Variants in GRM8 observed in about 807,000 individuals in gnomAD.
The protein encoded by GRM8 is metabotropic glutamate receptor 8.
GRM8 carries 47 observed loss-of-function variants against 87.2 expected under a neutral mutation model. The ratio of observed to expected loss-of-function variants is 0.54; its 90% confidence interval spans 0.43 to 0.69. GRM8 has a LOEUF of 0.69. Among genes scored for constraint, GRM8 ranks in the 30% least tolerant of loss-of-function variants. The pLI is 0.00. For missense variants in GRM8, 1,019 were observed against 1,139.2 expected (o/e 0.89, Z 1.52); for synonymous variants, 396 against 404.5 (o/e 0.98, Z 0.25).
chr7:127,181,307 A>G (rs1310522800), intron 2 of GRM8, among the ~76,000 whole-genome samples: 2 of 152,084 alleles, frequency 1.3e-5, no homozygotes, highest in African/African-American at 4.8e-5. Context: ...AAAGACCTCT[A>G]CAAGGAAAAC....
rs536635816 is a variant in GRM8 at position 126,685,054 on chromosome 7, G to A, written c.1358-75556C>T. Reference sequence around the variant, plus strand: ...TGGCCATGGGACCCCTGTGCCCTGCGTCCCCAAGGAAGCTGACTGCACTGC... The same window carrying A: ...TGGCCATGGGACCCCTGTGCCCTGCATCCCCAAGGAAGCTGACTGCACTGC... On this transcript the variant is annotated intron_variant, in intron 7 of 10. Transcript: ENST00000339582. The surrounding 1 kb of genome is among the most constrained non-coding windows in gnomAD (Gnocchi z 4.2). Among the ~76,000 whole-genome samples the A allele has an allele frequency of 2.2e-4, 33 of 152,254 alleles. No homozygotes were observed. Among genetic ancestry groups the A allele is most frequent in the African/African-American group, 3.6e-4 (15 of 41,562 alleles).
chr7:127,126,190 G>A (rs1827362449), intron 2 of GRM8, among the ~76,000 whole-genome samples: 2 of 152,020 alleles, frequency 1.3e-5, no homozygotes, highest in South Asian at 4.1e-4. Context: ...GTTTATCATA[G>A]CACTATTCAT....
intron 6 of GRM8, among the ~76,000 whole-genome samples, chr7:126,890,982 C>T (rs1013201594): frequency 8.5e-5 from 13 of 152,156 alleles, no homozygotes; most frequent in Middle Eastern, 6.8e-3. Flanking sequence ...TAGCTTCAGA[C>T]TCACATAACC....
intron 7 of GRM8, among the ~76,000 whole-genome samples, chr7:126,758,966 T>C (rs1173226329): frequency 1.3e-5 from 2 of 152,028 alleles, no homozygotes; most frequent in African/African-American, 4.8e-5. Context: ...GGCGGGATCC[T>C]GGCTCACTGC....
intron 6 of GRM8, among the ~76,000 whole-genome samples, chr7:126,778,961 T>C (rs549768657): frequency 1.1e-3 from 166 of 152,264 alleles, no homozygotes; most frequent in African/African-American, 3.9e-3. Flanking sequence ...ATTTGTATAT[T>C]GGTGTGGCGT....
chr7:126,640,272 G>C (rs986199491), intron 7 of GRM8, among the ~76,000 whole-genome samples: 1 of 152,118 alleles, frequency 6.6e-6, no homozygotes, highest in East Asian at 1.9e-4. Context: ...AAGAAGGAGA[G>C]GTCAAGATAT....
At chr7:126,993,138 A>C (rs1003888068) in intron 3 of GRM8, among the ~76,000 whole-genome samples, 2 of 152,198 alleles carry the variant, frequency 1.3e-5, no homozygotes, top group Non-Finnish European at 2.9e-5. Flanking sequence ...TAAACTCAGT[A>C]TAATCAGAAA....
intron 7 of GRM8, among the ~76,000 whole-genome samples, chr7:126,731,016 G>A (rs1813525324): frequency 6.6e-6 from 1 of 152,038 alleles, no homozygotes; most frequent in Non-Finnish European, 1.5e-5. Flanking sequence ...AATTATACAT[G>A]TTTTAAGAAT....
intron 9 of GRM8, among the ~76,000 whole-genome samples, chr7:126,449,153 G>T (rs547692567): frequency 1.3e-5 from 2 of 151,840 alleles, no homozygotes; most frequent in East Asian, 3.9e-4. Context: ...TATGAATTCT[G>T]AACCACCACT....
At chr7:127,137,365 C>T (rs765235711) in intron 2 of GRM8, among the ~76,000 whole-genome samples, 2 of 152,060 alleles carry the variant, frequency 1.3e-5, no homozygotes, top group Non-Finnish European at 2.9e-5. Context: ...TTCTCACCAC[C>T]TCACTACATT....
At chr7:126,779,131 T>C (rs1356440572) in intron 6 of GRM8, among the ~76,000 whole-genome samples, 1 of 152,100 alleles carries the variant, frequency 6.6e-6, no homozygotes. Flanking sequence ...TCTTATCTAA[T>C]ATTTAATCAT....
chr7:126,521,536 G>A (rs1812985332), intron 9 of GRM8, among the ~76,000 whole-genome samples: 2 of 151,460 alleles, frequency 1.3e-5, no homozygotes, highest in Admixed American at 6.6e-5. Flanking sequence ...ATTACCTTAT[G>A]GACTCAATAT....
intron 3 of GRM8, among the ~76,000 whole-genome samples, chr7:126,958,144 A>G (rs775278478): frequency 2.1e-4 from 32 of 152,148 alleles, no homozygotes; most frequent in Non-Finnish European, 4.4e-4. Context: ...TTGTTGCTCA[A>G]TGAAGCTCCT....
At chr7:126,446,820 T>C (rs1563015320) in intron 9 of GRM8, among the ~76,000 whole-genome samples, 1 of 151,884 alleles carries the variant, frequency 6.6e-6, no homozygotes, top group Non-Finnish European at 1.5e-5. Context: ...TTCCAGAACA[T>C]CACTATTACA....
intron 7 of GRM8, among the ~76,000 whole-genome samples, chr7:126,688,217 T>A (rs377173577): frequency 6.6e-6 from 1 of 152,188 alleles, no homozygotes; most frequent in Non-Finnish European, 1.5e-5. Context: ...GAGAAGGAGT[T>A]GTCAATTAAA....
At chr7:127,172,573 T>C (rs1014920616) in intron 2 of GRM8, among the ~76,000 whole-genome samples, 1 of 152,026 alleles carries the variant, frequency 6.6e-6, no homozygotes, top group East Asian at 1.9e-4. Flanking sequence ...CCAGGTGTGG[T>C]GGCACATGGC....
At chr7:126,672,231 G>A (rs1004386214) in intron 7 of GRM8, among the ~76,000 whole-genome samples, 2 of 152,164 alleles carry the variant, frequency 1.3e-5, no homozygotes, top group Admixed American at 1.3e-4. Context: ...TGCTTCATGG[G>A]TGCAAGTCAC....
At chr7:126,554,237 A>C (rs960964876) in intron 8 of GRM8, among the ~76,000 whole-genome samples, 2 of 152,042 alleles carry the variant, frequency 1.3e-5, no homozygotes, top group Non-Finnish European at 2.9e-5. Context: ...AAATAAAAAC[A>C]AAAAGATAAG....
intron 2 of GRM8, among the ~76,000 whole-genome samples, chr7:127,157,255 G>A (rs183770300): frequency 1.3e-5 from 2 of 151,938 alleles, no homozygotes; most frequent in Admixed American, 1.3e-4. Context: ...GAGAAGAAAG[G>A]AGGAGAGAAG....
Sources: allele counts gnomAD v4.1 joint callset (sites outside exome capture counted in the v4.1 genomes callset), GRCh38; gene constraint gnomAD v4.1.1; non-coding constraint Gnocchi (gnomAD v3.1); transcripts MANE v1.5; gene names NCBI Gene and HGNC (gene_info 2026-07-23, HGNC 2026-07-21).